PUS7: variants seen among roughly 807,000 people sequenced by gnomAD.
The protein encoded by PUS7 is pseudouridine synthase 7, also known as pseudouridylate synthase 7 homolog.
A neutral mutation model predicts 79.8 loss-of-function variants in PUS7; 48 were observed. The observed-to-expected ratio is 0.60, with a 90% CI of 0.48 to 0.76. PUS7 has a LOEUF of 0.76. Among genes scored for constraint, PUS7 ranks in the 30% least tolerant of loss-of-function variants. The pLI is 0.00. For missense variants in PUS7, 729 were observed against 797.6 expected, an observed-to-expected ratio of 0.91 and a Z score of 1.04; for synonymous variants, 286 against 272.2, an observed-to-expected ratio of 1.05 and a Z score of -0.50.
At position 105,502,535 on chromosome 7, in the gene PUS7, G is replaced by A; in HGVS notation, c.615C>T (p.Thr205=). 6.2e-7 allele frequency: 1 copy of A among 1,613,882 alleles called. No individual in the cohort carries two copies. The highest frequency in any genetic ancestry group is 8.5e-7 in the Non-Finnish European group (1 of 1,179,920). Residue 205 remains threonine (T), a synonymous_variant, in exon 5 of 16, where the codon ACC becomes ACT. Coordinates refer to ENST00000469408, the MANE Select transcript of PUS7 (RefSeq NM_019042.5). ...GAGATTTGATAGCCTGATGGATGAT[G>A]GTTCTTTTCTCTTTGGTGTCCTCGA... ...EVIEDTKEKR[T]IIHQAIKSLF...
At chr7:105,481,004 CTTTG>C (rs1276928878) in intron 9 of PUS7, 44 bp downstream of exon 9, 1 of 1,571,220 alleles carries the variant, frequency 6.4e-7, no homozygotes, top group Admixed American at 1.8e-5. Flanking sequence ...ACAAACCCTG[CTTTG>C]TTTATGAGAA....
At chr7:105,474,612 C>CAAAAAAAA (rs10540161) in intron 9 of PUS7, among the ~76,000 whole-genome samples, 5 of 126,424 alleles carry the variant, frequency 4.0e-5, no homozygotes, top group East Asian at 2.3e-4. Context: ...ACTAAAAATA[C>CAAAAAAAA]AAAAAAAAAA....
intron 1 of PUS7, among the ~76,000 whole-genome samples, chr7:105,519,959 T>G (rs541682008): frequency 3.5e-4 from 53 of 152,276 alleles, no homozygotes; most frequent in Non-Finnish European, 5.1e-4. Flanking sequence ...TGGATTGTTC[T>G]CTCTCTCTCC....
intron 5 of PUS7, among the ~76,000 whole-genome samples, chr7:105,501,490 T>C (rs1256335122): frequency 1.3e-5 from 2 of 152,156 alleles, no homozygotes; most frequent in African/African-American, 4.8e-5. Context: ...TATCAGTGAC[T>C]CACTGGGACT....
chr7:105,491,603 A>G lies in PUS7; in HGVS notation c.857T>C (p.Ile286Thr), dbSNP rs898382742. 1.3e-6 allele frequency: 2 copies of G among 1,595,356 alleles called. No individual in the cohort carries two copies. Among genetic ancestry groups the G allele is most frequent in the African/African-American group, 1.3e-5 (1 of 74,544 alleles). ...LSKYLRVKPN[I>T]FSYMGTKDKR... is the part of the protein sequence containing the mutation. ...ATCTTTGGTTCCCATGTAGGAGAAT[A>G]TATTTGGCTTGACTCTGGTAAGAGA... The change falls in exon 7 of 16, where the codon ATA becomes ACA. Residue 286 changes from isoleucine (I) to threonine (T), a missense_variant. Physicochemically the swap from Ile to Thr is moderately conservative, Grantham distance 89 (BLOSUM62 -1). Coordinates refer to ENST00000469408, the MANE Select transcript of PUS7 (RefSeq NM_019042.5).
At chr7:105,491,471 A>C (rs1454864545) in intron 7 of PUS7, 69 bp downstream of exon 7, 2 of 1,021,030 alleles carry the variant, frequency 2.0e-6, no homozygotes. Flanking sequence ...CCCAAAGTAA[A>C]TTTGAGAATT....
intron 15 of PUS7, 60 bp downstream of exon 15, chr7:105,459,108 T>A: frequency 8.9e-7 from 1 of 1,124,824 alleles, no homozygotes; most frequent in Non-Finnish European, 1.3e-6. Flanking sequence ...AAAAAAATTA[T>A]GTTTTTGTTT....
chr7:105,507,201 A>C (rs1209176989), intron 2 of PUS7, among the ~76,000 whole-genome samples: 1 of 151,970 alleles, frequency 6.6e-6, no homozygotes, highest in Non-Finnish European at 1.5e-5. Flanking sequence ...GCGTGCCACT[A>C]CGCCAGGCTA....
chr7:105,470,666 T>C lies in PUS7; in HGVS notation c.1398+22A>G, dbSNP rs761572464. ...CATTAAAACGCCTTGAGCCATTGCCTGACTTCACAAATTGCACTCACTATG... is the reference window on the plus strand; with the variant it reads ...CATTAAAACGCCTTGAGCCATTGCCCGACTTCACAAATTGCACTCACTATG... On this transcript the variant is annotated intron_variant, in intron 11 of 15. Coordinates refer to ENST00000469408, the MANE Select transcript of PUS7 (RefSeq NM_019042.5). The C allele has an allele frequency of 1.0e-5, 16 of 1,543,868 alleles. No homozygotes were observed. In the South Asian group the frequency reaches 1.8e-4, roughly 17 times the overall value.
intron 1 of PUS7, among the ~76,000 whole-genome samples, chr7:105,516,362 T>A (rs768654581): frequency 6.6e-6 from 1 of 152,206 alleles, no homozygotes; most frequent in Non-Finnish European, 1.5e-5. Flanking sequence ...GAAGAACTGT[T>A]CAGAGCTCTG....
At chr7:105,468,521 A>G in intron 11 of PUS7, 58 bp from the exon 12 acceptor site, 2 of 1,427,924 alleles carry the variant, frequency 1.4e-6, no homozygotes, top group Non-Finnish European at 1.9e-6. Flanking sequence ...AAAGTGCTGT[A>G]CTTTTTTTTT....
chr7:105,457,378 T>C lies in PUS7; in HGVS notation c.*412A>G, dbSNP rs570266471. 6.5e-6 allele frequency: 1 copy of C among 153,308 alleles called. No homozygotes were observed. The highest frequency in any genetic ancestry group is 2.4e-5 in the African/African-American group (1 of 41,598). The allele number at this position is 153,308 out of a possible 1,614,324, so 9.5% of individuals were successfully genotyped here. ...TGGCAGCTCTCAAATTATTTATCCA[T>C]AGTCCAGATTTGTTTTGTTGCATTT... On this transcript the variant is annotated 3_prime_UTR_variant, in exon 16 of 16. Transcript: ENST00000469408.
intron 7 of PUS7, among the ~76,000 whole-genome samples, chr7:105,487,558 A>G (rs1824602188): frequency 1.3e-5 from 2 of 152,194 alleles, no homozygotes; most frequent in South Asian, 4.1e-4. Flanking sequence ...TCCCTGAGAA[A>G]TGGAATGAAG....
chr7:105,462,864 A>C, intron 13 of PUS7, 114 bp from the exon 14 acceptor site: 1 of 974,518 alleles, frequency 1.0e-6, no homozygotes, highest in East Asian at 2.5e-5. Context: ...TAATAAAATT[A>C]GTCACCTTAA....
intron 14 of PUS7, 70 bp downstream of exon 14, chr7:105,462,550 AT>A: frequency 1.9e-6 from 3 of 1,552,720 alleles, no homozygotes; most frequent in Non-Finnish European, 2.7e-6. Flanking sequence ...ACATGACTCT[AT>A]ATAAAGTGAA....
At chr7:105,462,431 AAAAAAAAACC>A in intron 14 of PUS7, 180 bp downstream of exon 14, 1 of 569,062 alleles carries the variant, frequency 1.8e-6, no homozygotes, top group Non-Finnish European at 2.8e-6. Flanking sequence ...ACTCCGTCTC[AAAAAAAAACC>A]AAAAAAAAAA....
chr7:105,512,514 G>A (rs1825742723), intron 1 of PUS7, among the ~76,000 whole-genome samples: 1 of 152,194 alleles, frequency 6.6e-6, no homozygotes, highest in African/African-American at 2.4e-5. Flanking sequence ...ATAAGGAAGA[G>A]GAAGGAAAAG....
chr7:105,462,542 A>T, intron 14 of PUS7, 79 bp downstream of exon 14: 1 of 1,510,478 alleles, frequency 6.6e-7, no homozygotes, highest in Non-Finnish European at 9.1e-7. Context: ...TGTGCAGTAC[A>T]TGACTCTATA....
At chr7:105,519,884 G>T (rs1826036860) in intron 1 of PUS7, among the ~76,000 whole-genome samples, 1 of 152,174 alleles carries the variant, frequency 6.6e-6, no homozygotes, top group African/African-American at 2.4e-5. Context: ...AGAGCTCCAG[G>T]CAGCCCGAAC....
Sources: gnomAD v4.1 joint callset for allele counts (sites outside exome capture counted in the v4.1 genomes callset) on GRCh38, gnomAD v4.1.1 for gene constraint, MANE v1.5 for transcripts, NCBI Gene and HGNC (gene_info 2026-07-23, HGNC 2026-07-21) for gene names.